ADAM12: variants seen among roughly 807,000 people sequenced by gnomAD.
The protein encoded by ADAM12 is ADAM metallopeptidase domain 12, also known as disintegrin and metalloproteinase domain-containing protein 12.
A neutral mutation model predicts 106.4 loss-of-function variants in ADAM12; 70 were observed. The ratio of observed to expected loss-of-function variants is 0.66; its 90% CI spans 0.54 to 0.80. The LOEUF is 0.80. Ranked by LOEUF, ADAM12 falls within the 30% of genes least tolerant of loss-of-function variation. ADAM12 has a pLI of 0.00. For missense variants in ADAM12, 1,010 were observed against 1,171.9 expected (o/e 0.86, Z 2.02); for synonymous variants, 420 against 433.5 (o/e 0.97, Z 0.39).
At chr10:126,086,669 A>C (rs1955350844) in intron 11 of ADAM12, among the ~76,000 whole-genome samples, 1 of 58,918 alleles carries the variant, frequency 1.7e-5, no homozygotes, top group Non-Finnish European at 2.7e-5. Flanking sequence ...AAAAAAAAAA[A>C]AAAAAAAAAA....
intron 3 of ADAM12, among the ~76,000 whole-genome samples, chr10:126,190,567 A>T (rs906129738): frequency 6.6e-6 from 1 of 152,070 alleles, no homozygotes; most frequent in South Asian, 2.1e-4. Context: ...AATTTCACCA[A>T]AATTCATGTG....
intron 3 of ADAM12, among the ~76,000 whole-genome samples, chr10:126,162,244 G>T (rs900506092): frequency 6.6e-6 from 1 of 152,138 alleles, no homozygotes; most frequent in African/African-American, 2.4e-5. Context: ...GCCCAAGGGA[G>T]CCGGGAAAGA....
chr10:126,345,295 T>C (rs1855095794), intron 1 of ADAM12, among the ~76,000 whole-genome samples: 1 of 152,220 alleles, frequency 6.6e-6, no homozygotes, highest in Admixed American at 6.5e-5. Flanking sequence ...GTGGTTTTTG[T>C]CTTTGGTTCT....
chr10:126,274,352 T>C (rs568094052), intron 3 of ADAM12, among the ~76,000 whole-genome samples: 23 of 152,268 alleles, frequency 1.5e-4, no homozygotes, highest in African/African-American at 5.5e-4. Flanking sequence ...CCACCACATA[T>C]ACCCCCACAC....
chr10:126,373,771 A>G (rs1480431208), intron 1 of ADAM12, among the ~76,000 whole-genome samples: 2 of 152,242 alleles, frequency 1.3e-5, no homozygotes, highest in African/African-American at 2.4e-5. Context: ...GACAACCTAC[A>G]TAACTGAACT....
intron 1 of ADAM12, among the ~76,000 whole-genome samples, chr10:126,380,280 A>C (rs77781255): frequency 0.087 from 13,191 of 152,220 alleles, 848 homozygotes; most frequent in East Asian, 0.26. Flanking sequence ...TTCAATGTGC[A>C]CATTTCAATT....
At chr10:126,269,824 T>C (rs1219465806) in intron 3 of ADAM12, among the ~76,000 whole-genome samples, 1 of 152,222 alleles carries the variant, frequency 6.6e-6, no homozygotes, top group Non-Finnish European at 1.5e-5. Flanking sequence ...TTCAAAGAGT[T>C]CACTCAAGGA....
chr10:126,310,415 A>G (rs750405962), intron 2 of ADAM12, among the ~76,000 whole-genome samples: 1 of 152,168 alleles, frequency 6.6e-6, no homozygotes, highest in Non-Finnish European at 1.5e-5. Flanking sequence ...CCAATGACAA[A>G]TACCAATAAT....
rs1296087572 is a variant in ADAM12 at position 126,203,933 on chromosome 10, C to T, written c.261-48628G>A. The stretch of plus-strand genomic sequence containing the variant: ...TCAAGCAAATCAGAGTGAGTGCGCG[C>T]GCGCGCGTGTGTGTGTGTGTGTGTG... On this transcript the variant is annotated intron_variant, in intron 3 of 22. Transcript: ENST00000448723. Among the ~76,000 whole-genome samples the T allele has an allele frequency of 1.0e-4, 9 of 89,982 alleles. No homozygotes were observed. The South Asian group carries it at 1.3e-3, about 13-fold the overall frequency. The allele number at this position is 89,982 out of a possible 152,430, so 59.0% of individuals were successfully genotyped here.
chr10:126,041,222 G>T, intron 18 of ADAM12: 2 of 532,030 alleles, frequency 3.8e-6, no homozygotes, highest in Non-Finnish European at 4.8e-6. Context: ...CTGGTGTGTG[G>T]CAGACACACA....
chr10:126,297,234 T>G (rs1960421687), intron 2 of ADAM12, among the ~76,000 whole-genome samples: 1 of 152,152 alleles, frequency 6.6e-6, no homozygotes, highest in Non-Finnish European at 1.5e-5. Flanking sequence ...AAAACACCTC[T>G]TCTATGTCCA....
intron 3 of ADAM12, among the ~76,000 whole-genome samples, chr10:126,222,581 C>G (rs1447921495): frequency 6.6e-6 from 1 of 151,700 alleles, no homozygotes; most frequent in Non-Finnish European, 1.5e-5. Flanking sequence ...TGGTATACAA[C>G]AGACTCACTG....
Position 126,053,239 on chromosome 10 carries a change from G to A in ADAM12, c.1610-3570C>T, listed in dbSNP as rs1166952240. Among the ~76,000 whole-genome samples, 1 of 152,146 alleles carries A rather than the reference G, an allele frequency of 6.6e-6. No individual in the cohort carries two copies. The highest frequency in any genetic ancestry group is 1.5e-5 in the Non-Finnish European group (1 of 68,034). ...TACTCTGCTTCCTGTAAAGCCTGCA[G>A]AACCAAGAACCAATTAAACCTTTTT... On this transcript the variant is annotated intron_variant, in intron 14 of 22. Transcript: ENST00000448723. This position sits in a 1 kb window ranked among gnomAD's most constrained non-coding sequence, Gnocchi z 4.6.
At chr10:126,104,002 AG>A (rs749400136) in intron 8 of ADAM12, among the ~76,000 whole-genome samples, 2 of 152,230 alleles carry the variant, frequency 1.3e-5, no homozygotes, top group South Asian at 4.1e-4. Flanking sequence ...TGGTGCACAT[AG>A]GAAGTCCAGG....
intron 1 of ADAM12, among the ~76,000 whole-genome samples, chr10:126,331,916 T>C (rs1382108327): frequency 6.6e-6 from 1 of 152,106 alleles, no homozygotes; most frequent in African/African-American, 2.4e-5. Flanking sequence ...ACTCTCTGAA[T>C]GGGAAGCATC....
At chr10:126,208,852 GTTTTT>G (rs5788775) in intron 3 of ADAM12, among the ~76,000 whole-genome samples, 17 of 145,790 alleles carry the variant, frequency 1.2e-4, no homozygotes, top group African/African-American at 4.3e-4. Flanking sequence ...AAAAAAGAAA[GTTTTT>G]TTTTTTTTTT....
chr10:126,346,278 T>C (rs1350919477), intron 1 of ADAM12, among the ~76,000 whole-genome samples: 2 of 152,262 alleles, frequency 1.3e-5, no homozygotes, highest in Non-Finnish European at 2.9e-5. Context: ...TTTCCTTATT[T>C]ACCCAGTAGC....
chr10:126,031,937 G>T lies in ADAM12; in HGVS notation c.2529+4209C>A, dbSNP rs577536978. ...TTGTTTCCTTGATCAAGACTGGGGA[G>T]TTAGGATGAGAAGCTTGAATTCCAA... is the stretch of plus-strand genomic sequence containing the variant. On this transcript the variant is annotated intron_variant, in intron 21 of 22. Transcript: ENST00000448723. Among the ~76,000 whole-genome samples, 15 of 152,308 alleles carry T rather than the reference G, an allele frequency of 9.8e-5. 1 individual carries two copies. In the South Asian group the frequency reaches 2.9e-3, roughly 29 times the overall value.
intron 14 of ADAM12, among the ~76,000 whole-genome samples, chr10:126,056,501 C>A (rs946758330): frequency 6.6e-6 from 1 of 152,158 alleles, no homozygotes; most frequent in Non-Finnish European, 1.5e-5. Flanking sequence ...CCAATAGATA[C>A]GATCTTTTGC....
Sources: allele counts gnomAD v4.1 joint callset (sites outside exome capture counted in the v4.1 genomes callset), GRCh38; gene constraint gnomAD v4.1.1; non-coding constraint Gnocchi (gnomAD v3.1); transcripts MANE v1.5; gene names NCBI Gene and HGNC (gene_info 2026-07-23, HGNC 2026-07-21).